The following FN1 variants were observed in gnomAD, a reference collection of about 807,000 sequenced individuals.
The protein encoded by FN1 is fibronectin.
FN1 carries 106 observed loss-of-function variants against 297.3 expected under a neutral mutation model. That is an observed-to-expected ratio of 0.36 (90% CI 0.30 to 0.42). The LOEUF (loss-of-function observed/expected upper bound fraction) is 0.42, where lower values mean the gene tolerates loss of function less well. FN1 is among the 10% of genes least tolerant of loss of function. The pLI is 1.00. For synonymous variants in FN1, 1,149 were observed against 1,152.6 expected (o/e 1.00, Z 0.06); for missense variants, 2,690 against 3,124.9 (o/e 0.86, Z 3.32).
intron 19 of FN1, among the ~76,000 whole-genome samples, 178 bp from the exon 20 acceptor site, chr2:215,404,833 A>C (rs1314882119): frequency 6.6e-6 from 1 of 152,232 alleles, no homozygotes. Context: ...AACTTTGCCA[A>C]AACTCTGCCA....
At position 215,393,209 on chromosome 2, in the gene FN1, G is replaced by A; in HGVS notation, c.3797-6C>T. 1 of 1,611,492 alleles carries A rather than the reference G, an allele frequency of 6.2e-7. No individual in the cohort carries two copies. Among genetic ancestry groups the A allele is most frequent in the Non-Finnish European group, 8.5e-7 (1 of 1,178,932 alleles). On this transcript the variant is annotated splice_region_variant and splice_polypyrimidine_tract_variant and intron_variant, in intron 24 of 45. Coordinates refer to ENST00000354785, the MANE Select transcript of FN1 (RefSeq NM_212482.4). ...GTCAGTGAGTTGGGGCACCTCTATT[G>A]AGTTACAAAGCAAAGGGAGGGGGAG...
Position 215,435,462 on chromosome 2 carries a change from C to T in FN1, c.148+193G>A, listed in dbSNP as rs1250258. ...CGCAGAGTCCTCGTCCTCCAATGCA[C>T]GGTCTTATCATCCCAGGCCCTCAGA... On this transcript the variant is annotated intron_variant, in intron 1 of 45. Coordinates refer to ENST00000354785, the MANE Select transcript of FN1 (RefSeq NM_212482.4). 0.79 allele frequency among the ~76,000 whole-genome samples: 119,705 copies of T among 152,150 alleles called. 47,467 individuals carry two copies. The highest frequency in any genetic ancestry group is 0.92 in the East Asian group (4,775 of 5,166).
intron 45 of FN1, 170 bp downstream of exon 45, chr2:215,361,799 C>T (rs1201148373): frequency 5.6e-6 from 3 of 538,568 alleles, no homozygotes; most frequent in Non-Finnish European, 7.1e-6. Flanking sequence ...TCAAGAGTTA[C>T]ATAAATTATA....
In FN1 at chr2:215,419,352, T is replaced by TA; in HGVS notation, c.1708dup (p.Tyr570LeufsTer49). 1 of 1,613,496 alleles carries TA rather than the reference T, an allele frequency of 6.2e-7. No individual in the cohort carries two copies. The highest frequency in any genetic ancestry group is 8.5e-7 in the Non-Finnish European group (1 of 1,179,404). ...CTTCTCCCATGAATCTCCAATTTGA[T>TA]AAAACGTCCCAGTCTCTGAATCCTG... On this transcript the variant is annotated frameshift_variant, in exon 12 of 46. Coordinates refer to ENST00000354785, the MANE Select transcript of FN1 (RefSeq NM_212482.4). LOFTEE classifies it high-confidence loss of function.
intron 25 of FN1, chr2:215,392,606 C>T (rs573293873): frequency 3.3e-4 from 121 of 362,542 alleles, no homozygotes; most frequent in Non-Finnish European, 5.7e-4. Context: ...ATTTGGTATT[C>T]GTGTTTGGTA....
At chr2:215,365,135 C>G in intron 43 of FN1, 150 bp from the exon 44 acceptor site, 1 of 704,930 alleles carries the variant, frequency 1.4e-6, no homozygotes, top group Non-Finnish European at 2.6e-6. Context: ...AGCAGTACTG[C>G]TATACAGATC....
Position 215,407,115 on chromosome 2 carries a change from TA to T in FN1, c.2713+11del. On this transcript the variant is annotated intron_variant, in intron 18 of 45. Coordinates refer to ENST00000354785, the MANE Select transcript of FN1 (RefSeq NM_212482.4). ...TAAGATAACATAGGAAGTGTCTTCT[TA>T]AAAAAGTTACCTGAGCGTGGGGTGC... 6.2e-7 allele frequency: 1 copy of T among 1,609,120 alleles called. No individual in the cohort carries two copies. The highest frequency in any genetic ancestry group is 8.5e-7 in the Non-Finnish European group (1 of 1,175,750).
chr2:215,436,039 C>G lies in FN1; in HGVS notation c.-237G>C. 5.9e-6 allele frequency: 5 copies of G among 845,434 alleles called. No individual in the cohort carries two copies. The South Asian group carries it at 7.9e-5, about 13-fold the overall frequency. The allele number at this position is 845,434 out of a possible 1,614,324, so 52.4% of individuals were successfully genotyped here. On this transcript the variant is annotated 5_prime_UTR_variant, in exon 1 of 46. Coordinates refer to ENST00000354785, the MANE Select transcript of FN1 (RefSeq NM_212482.4). ...CCGCTCGCGCCTGGGGTTCCCTCTC[C>G]TCCCCCTGTGCAGCACAGCCGGCGC...
chr2:215,399,244 A>G lies in FN1; in HGVS notation c.3348+13T>C. The stretch of plus-strand genomic sequence containing the variant: ...GGGCTGTATCACAGAGATTAGGAAC[A>G]TCTGCAGTTTACCTTAAAACCAATT... On this transcript the variant is annotated intron_variant, in intron 21 of 45. Coordinates refer to ENST00000354785, the MANE Select transcript of FN1 (RefSeq NM_212482.4). 6.3e-7 allele frequency: 1 copy of G among 1,583,996 alleles called. No individual in the cohort carries two copies. The highest frequency in any genetic ancestry group is 8.7e-7 in the Non-Finnish European group (1 of 1,152,506).
chr2:215,374,067 T>G (rs2056802815), intron 38 of FN1, among the ~76,000 whole-genome samples: 1 of 152,144 alleles, frequency 6.6e-6, no homozygotes, highest in South Asian at 2.1e-4. Context: ...CACTGGAATA[T>G]AAATTTGAAA....
chr2:215,368,248 T>C lies in FN1; in HGVS notation c.6854-221A>G, dbSNP rs118057574. Among the ~76,000 whole-genome samples the C allele has an allele frequency of 1.5e-4, 23 of 152,354 alleles. No homozygotes were observed. The East Asian group carries it at 4.4e-3, about 29-fold the overall frequency. On this transcript the variant is annotated intron_variant, in intron 41 of 45. Coordinates refer to ENST00000354785, the MANE Select transcript of FN1 (RefSeq NM_212482.4). ...CACCCGACAGGAAGCCCATCTTTTA[T>C]TTTTCCCTTGCTTCTAAGATAATTG...
chr2:215,367,738 A>G, intron 42 of FN1, 125 bp downstream of exon 42: 1 of 930,526 alleles, frequency 1.1e-6, no homozygotes, highest in Non-Finnish European at 1.7e-6. Flanking sequence ...GTCAAACAGT[A>G]TTCTCTTGTT....
At position 215,399,406 on chromosome 2, in the gene FN1, T is replaced by C. The variant is rs537030798; in HGVS notation, c.3254-55A>G. 1.3e-5 allele frequency: 15 copies of C among 1,141,376 alleles called. No individual in the cohort carries two copies. In the Admixed American group the frequency reaches 1.3e-4, roughly 10 times the overall value. The allele number at this position is 1,141,376 out of a possible 1,614,324, so 70.7% of individuals were successfully genotyped here. ...AAACTCAAACTCACAGATGATTGCA[T>C]AGCATATAGATAACAAGTATTTTTA... On this transcript the variant is annotated intron_variant, in intron 20 of 45. Transcript: ENST00000354785.
At position 215,403,181 on chromosome 2, in the gene FN1, C is replaced by T. The variant is rs566857597; in HGVS notation, c.3253+1208G>A. On this transcript the variant is annotated intron_variant, in intron 20 of 45. Coordinates refer to ENST00000354785, the MANE Select transcript of FN1 (RefSeq NM_212482.4). Reference sequence around the variant, plus strand: ...ATCTTAGAACCGTGTAAAATTTTAGCCAAATTTTCAAGTAAGCTTATTTGC... The same window carrying T: ...ATCTTAGAACCGTGTAAAATTTTAGTCAAATTTTCAAGTAAGCTTATTTGC... Among the ~76,000 whole-genome samples the T allele has an allele frequency of 5.9e-5, 9 of 152,084 alleles. No homozygotes were observed. In the South Asian group the frequency reaches 1.7e-3, roughly 28 times the overall value.
At chr2:215,435,515 T>A in intron 1 of FN1, 140 bp downstream of exon 1, 1 of 1,276,098 alleles carries the variant, frequency 7.8e-7, no homozygotes, top group South Asian at 1.3e-5. Flanking sequence ...TCGGTCCTTT[T>A]GTGTGCACAG....
In FN1 at chr2:215,362,255, G is replaced by A. The variant is rs551626688; in HGVS notation, c.7252-176C>T. The A allele has an allele frequency of 1.1e-4, 67 of 636,828 alleles. No homozygotes were observed. In the African/African-American group the frequency reaches 1.1e-3, roughly 10 times the overall value. The allele number at this position is 636,828 out of a possible 1,614,324, so 39.4% of individuals were successfully genotyped here. On this transcript the variant is annotated intron_variant, in intron 44 of 45. Transcript: ENST00000354785. ...GCATTTATAACTCTTAATACATTTT[G>A]GCTTATTACCATATCTTATACCTAC...
chr2:215,370,555 A>AAAAAAC, intron 40 of FN1, 123 bp from the exon 41 acceptor site: 2 of 356,854 alleles, frequency 5.6e-6, no homozygotes, highest in Non-Finnish European at 9.3e-6. Flanking sequence ...AACAAAAAAC[A>AAAAAAC]AAAAAAAAAA....
At chr2:215,370,519 T>C in intron 40 of FN1, 87 bp from the exon 41 acceptor site, 1 of 1,008,602 alleles carries the variant, frequency 9.9e-7, no homozygotes, top group Non-Finnish European at 1.5e-6. Context: ...ACCCTCACTG[T>C]TTAAACAAAG....
rs953792242 is a variant in FN1 at position 215,367,661 on chromosome 2, G to A, written c.7018+202C>T. 3 of 623,182 alleles carry A rather than the reference G, an allele frequency of 4.8e-6. No homozygotes were observed. In the Admixed American group the frequency reaches 7.3e-5, roughly 15 times the overall value. 38.6% of individuals were successfully genotyped at this position (623,182 alleles called of 1,614,324 possible). On this transcript the variant is annotated intron_variant, in intron 42 of 45. Coordinates refer to ENST00000354785, the MANE Select transcript of FN1 (RefSeq NM_212482.4). ...ATAGTTGTATTGGCATACAACCCTTGAAATGAAGCAATGTCCAACAAGTAA... is the reference window on the plus strand; with the variant it reads ...ATAGTTGTATTGGCATACAACCCTTAAAATGAAGCAATGTCCAACAAGTAA...
Sources: gnomAD v4.1 joint callset for allele counts (sites outside exome capture counted in the v4.1 genomes callset) on GRCh38, gnomAD v4.1.1 for gene constraint, MANE v1.5 for transcripts, NCBI Gene and HGNC (gene_info 2026-07-23, HGNC 2026-07-21) for gene names.